Variants in UNC13C observed in about 807,000 individuals in gnomAD.
UNC13C encodes the protein unc-13 homolog C, also known as protein unc-13 homolog C.
In UNC13C, 174 loss-of-function variants were observed where a neutral mutation model predicts 245.4. The observed-to-expected ratio is 0.71, with a 90% CI of 0.63 to 0.80. UNC13C has a LOEUF of 0.80. Among genes scored for constraint, UNC13C ranks in the 30% least tolerant of loss-of-function variants. The probability of loss-of-function intolerance (pLI) is 0.00; values close to 1 mark genes in which losing one functional copy is unlikely to be tolerated. For missense variants in UNC13C, 2,829 were observed against 2,602.9 expected (o/e 1.09, Z -1.89); for synonymous variants, 992 against 895.1 (o/e 1.11, Z -1.93).
intron 4 of UNC13C, among the ~76,000 whole-genome samples, chr15:54,147,138 A>G (rs561519348): frequency 8.6e-5 from 13 of 152,014 alleles, no homozygotes; most frequent in Admixed American, 5.9e-4. Flanking sequence ...TTACCCAACT[A>G]TCCTGCAGCA....
intron 2 of UNC13C, among the ~76,000 whole-genome samples, chr15:54,088,677 G>T (rs1290201455): frequency 6.6e-6 from 1 of 152,140 alleles, no homozygotes; most frequent in African/African-American, 2.4e-5. Flanking sequence ...TGGGAGTTAG[G>T]ATTGCAGGTG....
At chr15:53,837,961 C>T in the UNC13C span, among the ~76,000 whole-genome samples, 7,902 of 152,174 alleles carry the variant, frequency 0.052, 476 homozygotes, top group Admixed American at 0.17. Flanking sequence ...TTCATTAACT[C>T]TTTAAACTTA....
chr15:54,028,684 C>CTTTTTTTTTTTT lies in UNC13C; in HGVS notation c.2983+12808_2983+12819dup, dbSNP rs58264883. Among the ~76,000 whole-genome samples, 36 of 87,094 alleles carry CTTTTTTTTTTTT rather than the reference C, an allele frequency of 4.1e-4. 5 individuals carry two copies. The highest frequency in any genetic ancestry group is 6.9e-4 in the Non-Finnish European group (34 of 49,328). 57.1% of individuals were successfully genotyped at this position (87,094 alleles called of 152,430 possible). ...TGGCCTCCAGAGTCAGCCTACAAGT[C>CTTTTTTTTTTTT]TTTTTTTTTTTTTTTTTTTTTGAGA... is the stretch of plus-strand genomic sequence containing the variant. On this transcript the variant is annotated intron_variant, in intron 2 of 32. Coordinates refer to ENST00000260323, the MANE Select transcript of UNC13C (RefSeq NM_001080534.3).
At chr15:54,355,341 A>G (rs1380058596) in intron 17 of UNC13C, among the ~76,000 whole-genome samples, 1 of 152,080 alleles carries the variant, frequency 6.6e-6, no homozygotes, top group Non-Finnish European at 1.5e-5. Flanking sequence ...CTCTGAATTA[A>G]TCTTGATTTT....
chr15:53,861,540 G>C, the UNC13C span, among the ~76,000 whole-genome samples: 1 of 152,114 alleles, frequency 6.6e-6, no homozygotes, highest in African/African-American at 2.4e-5. Flanking sequence ...AGTATATGGT[G>C]CTTGTCAAAA....
chr15:53,903,075 T>C, the UNC13C span, among the ~76,000 whole-genome samples: 2 of 152,304 alleles, frequency 1.3e-5, no homozygotes, highest in Non-Finnish European at 2.9e-5. Context: ...ATAATGCCAA[T>C]GTAATTATTT....
Position 54,623,961 on chromosome 15 carries a change from C to G in UNC13C, c.6359+7C>G, listed in dbSNP as rs1369894556. On this transcript the variant is annotated splice_region_variant and intron_variant, in intron 32 of 32. Coordinates refer to ENST00000260323, the MANE Select transcript of UNC13C (RefSeq NM_001080534.3). ...ACAATGAAACATTTCAGTTGTAAGT[C>G]ATAAACCCACCTTACTTATTCTACC... 1 of 1,612,762 alleles carries G rather than the reference C, an allele frequency of 6.2e-7. No individual in the cohort carries two copies.
chr15:53,912,756 GC>G, the UNC13C span: 36,368 of 152,130 alleles, frequency 0.24, 4,436 homozygotes, highest in Non-Finnish European at 0.26. Flanking sequence ...TTACTGGGGG[GC>G]GGCGGGGGAG....
At chr15:54,570,106 G>A (rs1390409800) in intron 30 of UNC13C, among the ~76,000 whole-genome samples, 1 of 152,092 alleles carries the variant, frequency 6.6e-6, no homozygotes, top group Non-Finnish European at 1.5e-5. Context: ...TTCCTATATG[G>A]TTGCATCCAA....
chr15:54,282,696 C>T (rs1596141285), intron 10 of UNC13C, among the ~76,000 whole-genome samples: 1 of 152,136 alleles, frequency 6.6e-6, no homozygotes, highest in Non-Finnish European at 1.5e-5. Context: ...TTTCTTCCTA[C>T]CTGCACTCAG....
chr15:54,278,545 A>C (rs529369680), intron 10 of UNC13C, among the ~76,000 whole-genome samples: 2 of 152,264 alleles, frequency 1.3e-5, no homozygotes, highest in South Asian at 4.1e-4. Context: ...GGCTTCCTCA[A>C]CTTTGTCGTT....
chr15:54,341,702 A>G (rs1271202895), intron 17 of UNC13C, among the ~76,000 whole-genome samples: 1 of 152,214 alleles, frequency 6.6e-6, no homozygotes, highest in African/African-American at 2.4e-5. Flanking sequence ...GTTTAAAGAC[A>G]TTAAATGTTA....
chr15:54,623,695 G>T, intron 31 of UNC13C, 100 bp from the exon 32 acceptor site: 1 of 1,044,004 alleles, frequency 9.6e-7, no homozygotes, highest in Non-Finnish European at 1.4e-6. Flanking sequence ...GTGGAGTTAG[G>T]GCACTATTAT....
chr15:54,569,116 T>C (rs906142227), intron 30 of UNC13C, among the ~76,000 whole-genome samples: 5 of 152,128 alleles, frequency 3.3e-5, no homozygotes, highest in African/African-American at 4.8e-5. Context: ...ATATATCAAA[T>C]AAATAGTGTT....
At chr15:53,891,286 T>G in the UNC13C span, among the ~76,000 whole-genome samples, 1 of 152,228 alleles carries the variant, frequency 6.6e-6, no homozygotes, top group African/African-American at 2.4e-5. Context: ...CTTCCCATTA[T>G]GTGGTCAATT....
rs1324764971 is a variant in UNC13C at position 54,015,199 on chromosome 15, T to C, written c.2296T>C (p.Leu766=). ...LSMMYRSQSE[L]QSDDSEDAPP... ...CATGATGTATCGAAGTCAAAGTGAATTGCAAAGTGATGATTCAGAGGATGC... is the reference window on the plus strand; with the variant it reads ...CATGATGTATCGAAGTCAAAGTGAACTGCAAAGTGATGATTCAGAGGATGC... Residue 766 remains leucine, a synonymous_variant, in exon 2 of 33, where the codon TTG becomes CTG. Coordinates refer to ENST00000260323, the MANE Select transcript of UNC13C (RefSeq NM_001080534.3). 6.2e-7 allele frequency: 1 copy of C among 1,612,978 alleles called. No individual in the cohort carries two copies. The highest frequency in any genetic ancestry group is 1.3e-5 in the African/African-American group (1 of 74,866).
At chr15:53,974,395 C>T (rs1015918599), upstream of UNC13C, among the ~76,000 whole-genome samples, 4 of 152,218 alleles carry the variant, frequency 2.6e-5, no homozygotes, top group Non-Finnish European at 5.9e-5. Flanking sequence ...ATTATTCACT[C>T]ACTCATCAAC....
intron 4 of UNC13C, among the ~76,000 whole-genome samples, chr15:54,210,021 ATTAT>A (rs902152696): frequency 6.6e-5 from 10 of 152,000 alleles, no homozygotes; most frequent in African/African-American, 1.4e-4. Context: ...CTTTGAACAA[ATTAT>A]TTAACTGCTG....
chr15:54,618,628 C>A (rs1377585049), intron 30 of UNC13C, among the ~76,000 whole-genome samples: 3 of 152,056 alleles, frequency 2.0e-5, no homozygotes, highest in Non-Finnish European at 2.9e-5. Flanking sequence ...TGACAAATTT[C>A]ACTGTACACA....
Sources: gnomAD v4.1 joint callset for allele counts (sites outside exome capture counted in the v4.1 genomes callset) on GRCh38, gnomAD v4.1.1 for gene constraint, MANE v1.5 for transcripts, NCBI Gene and HGNC (gene_info 2026-07-23, HGNC 2026-07-21) for gene names.